PEBP4: variants seen among roughly 807,000 people sequenced by gnomAD.
PEBP4 encodes phosphatidylethanolamine binding protein 4.
Under a neutral mutation model 23.9 loss-of-function variants are expected in PEBP4, and 22 were observed. That is an observed-to-expected ratio of 0.92 (90% confidence interval 0.66 to 1.31). PEBP4 has a LOEUF of 1.31. PEBP4 is among the 40% of genes most tolerant of loss of function. PEBP4 has a pLI of 0.00. For missense variants in PEBP4, 324 were observed against 281.7 expected (o/e 1.15, Z -1.07); for synonymous variants, 112 against 99.3 (o/e 1.13, Z -0.76).
At chr8:22,929,031 A>C (rs558792792), upstream of PEBP4, among the ~76,000 whole-genome samples, 77 of 152,292 alleles carry the variant, frequency 5.1e-4, no homozygotes, top group African/African-American at 1.7e-3. Context: ...CCTTGCCCCA[A>C]CCAGAAAACA....
chr8:22,728,700 C>G (rs547744428), intron 4 of PEBP4, among the ~76,000 whole-genome samples: 5 of 151,790 alleles, frequency 3.3e-5, no homozygotes, highest in Non-Finnish European at 7.4e-5. Flanking sequence ...CAGGTTCAAG[C>G]GATTCTCCTG....
intron 3 of PEBP4, among the ~76,000 whole-genome samples, chr8:22,821,521 T>C (rs1263309422): frequency 6.6e-6 from 1 of 152,124 alleles, no homozygotes; most frequent in African/African-American, 2.4e-5. Flanking sequence ...GTGAGTTTGG[T>C]GTTGAAATCA....
intron 4 of PEBP4, among the ~76,000 whole-genome samples, chr8:22,817,010 T>C (rs1806756539): frequency 6.6e-6 from 1 of 152,152 alleles, no homozygotes; most frequent in African/African-American, 2.4e-5. Flanking sequence ...AGCCTTTCCC[T>C]CCCACATAAT....
At chr8:22,747,205 G>A (rs1805140529) in intron 4 of PEBP4, among the ~76,000 whole-genome samples, 1 of 152,256 alleles carries the variant, frequency 6.6e-6, no homozygotes, top group South Asian at 2.1e-4. Flanking sequence ...AATTGAAATA[G>A]CCACATGCAC....
At chr8:22,793,511 C>T (rs1178970379) in intron 4 of PEBP4, among the ~76,000 whole-genome samples, 3 of 150,884 alleles carry the variant, frequency 2.0e-5, no homozygotes, top group Admixed American at 2.0e-4. Context: ...GAACTCCTGA[C>T]CTCAAGTGTT....
chr8:22,816,348 TG>T (rs1806740200), intron 4 of PEBP4, among the ~76,000 whole-genome samples: 2 of 152,146 alleles, frequency 1.3e-5, no homozygotes, highest in African/African-American at 4.8e-5. Flanking sequence ...CTGAGCTCCG[TG>T]GGAGGGGCCC....
At chr8:22,915,396 C>A (rs28436634) in intron 3 of PEBP4, among the ~76,000 whole-genome samples, 2 of 151,792 alleles carry the variant, frequency 1.3e-5, no homozygotes, top group African/African-American at 4.8e-5. Flanking sequence ...CCCCGACCCC[C>A]GACCCAACCA....
Position 22,887,222 on chromosome 8 carries a change from C to T in PEBP4, c.258+32962G>A, listed in dbSNP as rs1204521895. The stretch of plus-strand genomic sequence containing the variant: ...GAAGTGCAATGGTGCGATCTCAACT[C>T]ACTGCAACCTGCATCTCCTGGGTTC... On this transcript the variant is annotated intron_variant, in intron 3 of 6. Coordinates refer to ENST00000256404, the MANE Select transcript of PEBP4 (RefSeq NM_144962.3). 2.0e-5 allele frequency: 3 copies of T among 152,086 alleles called. No individual in the cohort carries two copies. In the East Asian group the frequency reaches 5.9e-4, roughly 30 times the overall value. 9.4% of individuals were successfully genotyped at this position (152,086 alleles called of 1,614,324 possible).
At chr8:22,893,252 T>C (rs1808529403) in intron 3 of PEBP4, among the ~76,000 whole-genome samples, 1 of 152,228 alleles carries the variant, frequency 6.6e-6, no homozygotes, top group Admixed American at 6.5e-5. Context: ...GCTGCTCTTG[T>C]CCTATTTACC....
chr8:22,828,851 A>G (rs1807026686), intron 3 of PEBP4, among the ~76,000 whole-genome samples: 1 of 151,980 alleles, frequency 6.6e-6, no homozygotes, highest in African/African-American at 2.4e-5. Flanking sequence ...CATCTCGGGC[A>G]ATCTTTCCCT....
At chr8:22,872,702 A>G (rs1020968577) in intron 3 of PEBP4, among the ~76,000 whole-genome samples, 2 of 152,134 alleles carry the variant, frequency 1.3e-5, no homozygotes, top group Non-Finnish European at 2.9e-5. Context: ...TTTGAGACAG[A>G]GTCTTGCTCT....
chr8:22,780,010 A>G (rs996315965), intron 4 of PEBP4, among the ~76,000 whole-genome samples: 1 of 150,782 alleles, frequency 6.6e-6, no homozygotes, highest in Non-Finnish European at 1.5e-5. Flanking sequence ...GTGCAGTGGC[A>G]CGATCACGGC....
At chr8:22,769,326 G>T (rs1187247201) in intron 4 of PEBP4, among the ~76,000 whole-genome samples, 1 of 152,212 alleles carries the variant, frequency 6.6e-6, no homozygotes, top group Non-Finnish European at 1.5e-5. Flanking sequence ...GCCCTCTGGG[G>T]CTTATCTCAG....
intron 4 of PEBP4, among the ~76,000 whole-genome samples, chr8:22,762,595 T>G (rs1035155189): frequency 6.6e-6 from 1 of 152,178 alleles, no homozygotes; most frequent in Admixed American, 6.5e-5. Context: ...ACCCATCTGG[T>G]TTCTTCTCGG....
intron 4 of PEBP4, among the ~76,000 whole-genome samples, chr8:22,740,850 C>T (rs531506643): frequency 1.3e-5 from 2 of 152,244 alleles, no homozygotes; most frequent in East Asian, 3.9e-4. Flanking sequence ...GAAAGTGGCC[C>T]CAAGTTAGTG....
At chr8:22,916,097 G>C (rs970178615) in intron 3 of PEBP4, among the ~76,000 whole-genome samples, 6 of 152,326 alleles carry the variant, frequency 3.9e-5, no homozygotes, top group African/African-American at 1.4e-4. Context: ...AATAGTGCCT[G>C]GGCCAAGCCT....
intron 3 of PEBP4, among the ~76,000 whole-genome samples, chr8:22,845,687 T>C (rs1479323612): frequency 1.3e-5 from 2 of 152,198 alleles, no homozygotes; most frequent in Non-Finnish European, 2.9e-5. Context: ...ATCCTTCAGG[T>C]TGAGAAATCC....
chr8:22,829,045 C>T (rs541435685), intron 3 of PEBP4, among the ~76,000 whole-genome samples: 4 of 152,212 alleles, frequency 2.6e-5, no homozygotes, highest in Non-Finnish European at 4.4e-5. Flanking sequence ...CTGGTAACTC[C>T]TTTCTCAAAG....
At chr8:22,905,664 G>A (rs968705218) in intron 3 of PEBP4, among the ~76,000 whole-genome samples, 8 of 152,214 alleles carry the variant, frequency 5.3e-5, no homozygotes, top group Non-Finnish European at 1.0e-4. Flanking sequence ...GGGTCCGGAG[G>A]CAGGAGCCTG....
Sources: gnomAD v4.1 joint callset for allele counts (sites outside exome capture counted in the v4.1 genomes callset) on GRCh38, gnomAD v4.1.1 for gene constraint, MANE v1.5 for transcripts, NCBI Gene and HGNC (gene_info 2026-07-23, HGNC 2026-07-21) for gene names.